Variants in ZFHX3 observed in about 807,000 individuals in gnomAD.
The protein encoded by ZFHX3 is zinc finger homeobox 3.
A neutral mutation model predicts 279.1 loss-of-function variants in ZFHX3; 42 were observed. The ratio of observed to expected loss-of-function variants is 0.15; its 90% confidence interval spans 0.12 to 0.19. ZFHX3 has a LOEUF of 0.19. ZFHX3 is among the 10% of genes least tolerant of loss of function. The pLI is 1.00. For missense variants in ZFHX3, 4,981 were observed against 4,754.0 expected (o/e 1.05, Z -1.40); for synonymous variants, 2,293 against 1,957.8 (o/e 1.17, Z -4.52).
intron 5 of ZFHX3, among the ~76,000 whole-genome samples, chr16:73,249,353 C>A (rs541447692): frequency 2.0e-5 from 3 of 152,246 alleles, no homozygotes; most frequent in South Asian, 4.2e-4. Context: ...TAAAGACATA[C>A]CCAAGAATGG....
chr16:72,947,860 C>A (rs551947248), intron 3 of ZFHX3, among the ~76,000 whole-genome samples: 1 of 152,198 alleles, frequency 6.6e-6, no homozygotes, highest in East Asian at 1.9e-4. Flanking sequence ...ATGCATGTGC[C>A]GGGCTAATGG....
rs191190462 is a variant in ZFHX3 at position 73,321,213 on chromosome 16, G to C, written c.-1290-2877C>G. On this transcript the variant is annotated intron_variant, in intron 3 of 17. Transcript: ENST00000641206. ...ACATTGCTCTCTAAAATTTTCTAGGGTCCTATGATACGCTCTGGCTTCCTC... is the reference window on the plus strand; with the variant it reads ...ACATTGCTCTCTAAAATTTTCTAGGCTCCTATGATACGCTCTGGCTTCCTC... 8.0e-4 allele frequency among the ~76,000 whole-genome samples: 122 copies of C among 152,218 alleles called. 1 individual carries two copies. Among genetic ancestry groups the C allele is most frequent in the African/African-American group, 2.9e-3 (119 of 41,532 alleles).
intron 2 of ZFHX3, among the ~76,000 whole-genome samples, chr16:73,604,456 G>A (rs1351828325): frequency 6.6e-6 from 1 of 152,036 alleles, no homozygotes; most frequent in Non-Finnish European, 1.5e-5. Flanking sequence ...ATGTTAAAAT[G>A]TCCCATGGGC....
chr16:73,048,698 G>A (rs79281307), upstream of ZFHX3, among the ~76,000 whole-genome samples: 535 of 152,366 alleles, frequency 3.5e-3, 11 homozygotes, highest in East Asian at 0.048. Flanking sequence ...ATGGGGACAG[G>A]AGCCAATGTG....
At chr16:73,631,923 TCTCTCACACACACACACA>T (rs1163235773) in intron 2 of ZFHX3, among the ~76,000 whole-genome samples, 1 of 101,836 alleles carries the variant, frequency 9.8e-6, no homozygotes, top group Non-Finnish European at 2.0e-5. Context: ...TCTCTCTCTC[TCTCTCACACACACACACA>T]CACACACACA....
In ZFHX3 at chr16:72,889,801, C is replaced by G. The variant is rs141261851; in HGVS notation, c.3378G>C (p.Lys1126Asn). 1.2e-6 allele frequency: 2 copies of G among 1,613,630 alleles called. No homozygotes were observed. Among genetic ancestry groups the G allele is most frequent in the Non-Finnish European group, 8.5e-7 (1 of 1,180,052 alleles). ...GGTCCTCGTCCTCCTCTGGAAGGCC[C>G]TTCTGCAGCCGCTGCAGCTTTCGCA... ...ESLRKLQRLQ[K>N]GLPEEDEDLG... Residue 1126 changes from lysine to asparagine, a missense_variant, in exon 4 of 10, where the codon AAG becomes AAC. Around this residue, in one of 7 missense-constraint regions of ZFHX3, gnomAD observed 1,751 missense variants for 1,770.0 expected, o/e 0.99. Coordinates refer to ENST00000268489, the MANE Select transcript of ZFHX3 (RefSeq NM_006885.4).
intron 3 of ZFHX3, among the ~76,000 whole-genome samples, chr16:73,398,789 T>C (rs1386445081): frequency 1.3e-5 from 2 of 152,216 alleles, no homozygotes; most frequent in African/African-American, 4.8e-5. Context: ...TGGGAACTCC[T>C]ATAACACTGT....
chr16:73,571,976 A>G (rs1001672333), intron 2 of ZFHX3, among the ~76,000 whole-genome samples: 22 of 152,186 alleles, frequency 1.4e-4, no homozygotes, highest in Non-Finnish European at 3.2e-4. Flanking sequence ...ACAAATAAGC[A>G]GCCCAGAAGT....
intron 1 of ZFHX3, among the ~76,000 whole-genome samples, chr16:73,810,941 A>G (rs957807496): frequency 6.6e-6 from 1 of 152,152 alleles, no homozygotes; most frequent in African/African-American, 2.4e-5. Context: ...CTATAATACT[A>G]AATTCTTCCT....
chr16:73,426,841 G>A (rs1462416443), intron 3 of ZFHX3, among the ~76,000 whole-genome samples: 3 of 152,190 alleles, frequency 2.0e-5, no homozygotes, highest in African/African-American at 7.2e-5. Context: ...TCTGCTGTAA[G>A]CAAAATCTCA....
intron 2 of ZFHX3, among the ~76,000 whole-genome samples, chr16:73,472,395 G>C (rs1025636275): frequency 2.0e-5 from 3 of 152,074 alleles, no homozygotes; most frequent in Admixed American, 6.5e-5. Context: ...ACTCAGTACT[G>C]GCAGGCTGTT....
At chr16:72,923,252 T>G (rs1959244426) in intron 3 of ZFHX3, among the ~76,000 whole-genome samples, 1 of 152,078 alleles carries the variant, frequency 6.6e-6, no homozygotes, top group Non-Finnish European at 1.5e-5. Flanking sequence ...AACACCAGCC[T>G]GGGCAACATG....
At chr16:73,614,315 G>C (rs570557565) in intron 2 of ZFHX3, among the ~76,000 whole-genome samples, 96 of 152,316 alleles carry the variant, frequency 6.3e-4, no homozygotes, top group African/African-American at 2.2e-3. Context: ...ATGTGATATG[G>C]AAACAGCTCA....
chr16:73,841,887 C>T (rs328319), intron 1 of ZFHX3, among the ~76,000 whole-genome samples: 71,601 of 151,864 alleles, frequency 0.47, 19,127 homozygotes, highest in African/African-American at 0.73. Context: ...ACATGTGCAA[C>T]CCAACTTCAT....
intron 1 of ZFHX3, among the ~76,000 whole-genome samples, chr16:73,833,757 A>T (rs28709613): frequency 6.6e-6 from 1 of 151,582 alleles, no homozygotes; most frequent in Non-Finnish European, 1.5e-5. Flanking sequence ...GTATAATTTT[A>T]AAAAATTAAA....
At chr16:73,055,762 C>T (rs975369694) in intron 1 of ZFHX3, among the ~76,000 whole-genome samples, 8 of 148,036 alleles carry the variant, frequency 5.4e-5, no homozygotes, top group Admixed American at 1.3e-4. Context: ...GCCATGGGAC[C>T]AGCTCCACCC....
chr16:73,744,261 A>G (rs1327077695), intron 1 of ZFHX3, among the ~76,000 whole-genome samples: 1 of 152,240 alleles, frequency 6.6e-6, no homozygotes, highest in Non-Finnish European at 1.5e-5. Flanking sequence ...GCCTTTGGAT[A>G]TGTCTCTGGT....
intron 2 of ZFHX3, among the ~76,000 whole-genome samples, chr16:73,541,535 AAC>A (rs1567514099): frequency 6.6e-6 from 1 of 152,094 alleles, no homozygotes. Flanking sequence ...CATACTATCA[AAC>A]ACACAAAACT....
At chr16:73,760,195 G>A (rs1307070899) in intron 1 of ZFHX3, among the ~76,000 whole-genome samples, 1 of 151,916 alleles carries the variant, frequency 6.6e-6, no homozygotes, top group Non-Finnish European at 1.5e-5. Context: ...TAGAAGAAAT[G>A]GATAAATTCC....
Sources: gnomAD v4.1 joint callset for allele counts (sites outside exome capture counted in the v4.1 genomes callset) on GRCh38, gnomAD v4.1.1 for gene constraint, gnomAD v4.1.1 regional missense constraint, MANE v1.5 for transcripts, NCBI Gene and HGNC (gene_info 2026-07-23, HGNC 2026-07-21) for gene names.